Variants in MBOAT2 observed in about 807,000 individuals in gnomAD.
MBOAT2 encodes the protein membrane bound glycerophospholipid O-acyltransferase 2, also known as membrane-bound glycerophospholipid O-acyltransferase 2.
A neutral mutation model predicts 63.4 loss-of-function variants in MBOAT2; 28 were observed. The observed-to-expected ratio is 0.44, with a 90% CI of 0.33 to 0.61. The LOEUF is 0.61. MBOAT2 is among the 20% of genes least tolerant of loss of function. The pLI is 0.03. For missense variants in MBOAT2, 470 were observed against 605.8 expected (o/e 0.78, Z 2.35); for synonymous variants, 211 against 215.6 (o/e 0.98, Z 0.19).
chr2:8,974,660 A>T (rs536788645), intron 1 of MBOAT2, among the ~76,000 whole-genome samples: 18 of 152,254 alleles, frequency 1.2e-4, no homozygotes, highest in Admixed American at 2.6e-4. Context: ...TTATTTTTTC[A>T]TTATGTACCT....
chr2:8,922,263 C>T (rs1326936169), intron 3 of MBOAT2, among the ~76,000 whole-genome samples: 1 of 152,136 alleles, frequency 6.6e-6, no homozygotes, highest in Non-Finnish European at 1.5e-5. Context: ...TTTGTTAAAT[C>T]ATGATCCTCC....
At chr2:8,977,572 T>C (rs1670910511) in intron 1 of MBOAT2, among the ~76,000 whole-genome samples, 1 of 152,174 alleles carries the variant, frequency 6.6e-6, no homozygotes, top group Non-Finnish European at 1.5e-5. Context: ...GGAAGTAAAC[T>C]GCAGAGCCCA....
Position 8,864,326 on chromosome 2 carries a change from A to C in MBOAT2, c.988-92T>G, listed in dbSNP as rs537823641. The C allele has an allele frequency of 1.4e-4, 96 of 700,444 alleles. No homozygotes were observed. In the South Asian group the frequency reaches 1.5e-3, roughly 11 times the overall value. The allele number at this position is 700,444 out of a possible 1,614,324, so 43.4% of individuals were successfully genotyped here. On this transcript the variant is annotated intron_variant, in intron 9 of 12. Transcript: ENST00000305997. ...TATTATGCTAAAAAATAAAAACAAA[A>C]ATTACTTAACATCGATGGTAGTATA...
intron 5 of MBOAT2, among the ~76,000 whole-genome samples, chr2:8,882,974 C>A (rs1663252931): frequency 6.6e-6 from 1 of 152,166 alleles, no homozygotes; most frequent in African/African-American, 2.4e-5. Flanking sequence ...AATTTCCTTA[C>A]TCCTCCATGA....
rs1672844120 is a variant in MBOAT2 at position 9,003,299 on chromosome 2, C to A, written c.75+241G>T. 6.6e-6 allele frequency among the ~76,000 whole-genome samples: 1 copy of A among 152,144 alleles called. No homozygotes were observed. The highest frequency in any genetic ancestry group is 2.4e-5 in the African/African-American group (1 of 41,458). On this transcript the variant is annotated intron_variant, in intron 1 of 12. Coordinates refer to ENST00000305997, the MANE Select transcript of MBOAT2 (RefSeq NM_138799.4). This position sits in a 1 kb window ranked among gnomAD's most constrained non-coding sequence, Gnocchi z 5.4. ...CCTCCCCGGGGGCTGTCGCCGGCAA[C>A]AACGCCCGGCCCACCTCCCGCTCGG... is the stretch of plus-strand genomic sequence containing the variant.
At chr2:8,893,262 C>G (rs1210423468) in intron 4 of MBOAT2, among the ~76,000 whole-genome samples, 1 of 152,032 alleles carries the variant, frequency 6.6e-6, no homozygotes, top group African/African-American at 2.4e-5. Flanking sequence ...AGGTTTTTGA[C>G]CAGGGTAACT....
chr2:8,885,869 T>C (rs1457027579), intron 5 of MBOAT2, among the ~76,000 whole-genome samples: 3 of 152,244 alleles, frequency 2.0e-5, no homozygotes, highest in Non-Finnish European at 4.4e-5. Flanking sequence ...TGGTTTCATC[T>C]AGGGGTGGTC....
chr2:8,908,725 C>G lies in MBOAT2; in HGVS notation c.300-9G>C, dbSNP rs1187900214. ...CAAACACAAAGCAGTAACTGCAAAACAAAAATAAGCTACATTAATGAAAAT... is the reference window on the plus strand; with the variant it reads ...CAAACACAAAGCAGTAACTGCAAAAGAAAAATAAGCTACATTAATGAAAAT... On this transcript the variant is annotated splice_polypyrimidine_tract_variant and intron_variant, in intron 3 of 12. Coordinates refer to ENST00000305997, the MANE Select transcript of MBOAT2 (RefSeq NM_138799.4). The G allele has an allele frequency of 6.5e-7, 1 of 1,536,704 alleles. No individual in the cohort carries two copies. Among genetic ancestry groups the G allele is most frequent in the African/African-American group, 1.4e-5 (1 of 72,836 alleles).
rs1447488963 is a variant in MBOAT2, at chr2:8,885,413, T to C, written c.451+2605A>G. On this transcript the variant is annotated intron_variant, in intron 5 of 12. Coordinates refer to ENST00000305997, the MANE Select transcript of MBOAT2 (RefSeq NM_138799.4). ...GTGTTTAGACTTGGGTCCCAAGATA[T>C]CTCATTACATGTATGCAAATATTCC... Among the ~76,000 whole-genome samples the C allele has an allele frequency of 6.6e-5, 10 of 152,196 alleles. No homozygotes were observed. In the East Asian group the frequency reaches 1.9e-3, roughly 29 times the overall value.
intron 1 of MBOAT2, among the ~76,000 whole-genome samples, chr2:8,996,122 C>T (rs1056737549): frequency 1.3e-5 from 2 of 152,176 alleles, no homozygotes; most frequent in Admixed American, 6.5e-5. Context: ...TTTAAAAATG[C>T]ACCGCAATGG....
chr2:8,862,842 A>C lies in MBOAT2; in HGVS notation c.1053-120T>G. 1.6e-6 allele frequency: 2 copies of C among 1,232,220 alleles called. No homozygotes were observed. The highest frequency in any genetic ancestry group is 2.2e-6 in the Non-Finnish European group (2 of 909,392). 76.3% of individuals were successfully genotyped at this position (1,232,220 alleles called of 1,614,324 possible). Reference sequence around the variant, plus strand: ...TAGGGTAACTAGAAAAACAAATACAACTTATCTTAGGCAATCACTTCTCTA... The same window carrying C: ...TAGGGTAACTAGAAAAACAAATACACCTTATCTTAGGCAATCACTTCTCTA... On this transcript the variant is annotated intron_variant, in intron 10 of 12. Coordinates refer to ENST00000305997, the MANE Select transcript of MBOAT2 (RefSeq NM_138799.4). This position sits in a 1 kb window ranked among gnomAD's most constrained non-coding sequence, Gnocchi z 4.3.
rs1018386694 is a variant in MBOAT2, at chr2:8,862,127, G to A, written c.1185+463C>T. On this transcript the variant is annotated intron_variant, in intron 11 of 12. Coordinates refer to ENST00000305997, the MANE Select transcript of MBOAT2 (RefSeq NM_138799.4). The surrounding 1 kb of genome is among the most constrained non-coding windows in gnomAD (Gnocchi z 4.3). ...TTGTTTCCCCAAAATATTACTCTAT[G>A]TTCTGTCTAGGCAAATACTCTAAAG... The A allele has an allele frequency of 1.5e-5, 4 of 262,672 alleles. No individual in the cohort carries two copies. Among genetic ancestry groups the A allele is most frequent in the African/African-American group, 4.6e-5 (2 of 43,612 alleles). 16.3% of individuals were successfully genotyped at this position (262,672 alleles called of 1,614,324 possible).
intron 1 of MBOAT2, among the ~76,000 whole-genome samples, chr2:8,965,164 C>T (rs1251450315): frequency 6.6e-6 from 1 of 152,072 alleles, no homozygotes; most frequent in Non-Finnish European, 1.5e-5. Context: ...TTTTAAAAAA[C>T]AGAAAATAGT....
At chr2:8,984,052 C>T (rs1183628585) in intron 1 of MBOAT2, among the ~76,000 whole-genome samples, 1 of 152,046 alleles carries the variant, frequency 6.6e-6, no homozygotes, top group African/African-American at 2.4e-5. Context: ...TTAGCTTTTA[C>T]AAGGAAAGAA....
In MBOAT2 at chr2:8,888,053, T is replaced by C; in HGVS notation, c.416A>G (p.Gln139Arg). The change falls in exon 5 of 13, where the codon CAG becomes CGG. Residue 139 changes from glutamine to arginine, a missense_variant. Physicochemically the swap from Gln to Arg is conservative, Grantham distance 43. Around this residue, in one of 3 missense-constraint regions of MBOAT2, gnomAD observed 376 missense variants for 503.8 expected, o/e 0.75. Coordinates refer to ENST00000305997, the MANE Select transcript of MBOAT2 (RefSeq NM_138799.4). Reference protein sequence around the residue: ...DFSGPMMIITQKITSLACEIH... With the variant: ...DFSGPMMIITRKITSLACEIH... ...TTCGCAAGCCAAACTAGTGATCTTC[T>C]GAGTAATGATCATCATTGGGCTGTG... 1 of 1,613,546 alleles carries C rather than the reference T, an allele frequency of 6.2e-7. No individual in the cohort carries two copies. Among genetic ancestry groups the C allele is most frequent in the Non-Finnish European group, 8.5e-7 (1 of 1,179,744 alleles).
At chr2:8,964,439 A>C (rs1171720751) in intron 1 of MBOAT2, among the ~76,000 whole-genome samples, 1 of 149,398 alleles carries the variant, frequency 6.7e-6, no homozygotes, top group Non-Finnish European at 1.5e-5. Context: ...AGAACCTCCA[A>C]GTCAAGCAAC....
chr2:8,879,062 C>T (rs1462525205), intron 6 of MBOAT2, among the ~76,000 whole-genome samples: 2 of 132,056 alleles, frequency 1.5e-5, no homozygotes, highest in Admixed American at 1.7e-4. Flanking sequence ...GGCGACAGAG[C>T]GAGACTCCGT....
At position 8,856,981 on chromosome 2, in the gene MBOAT2, TC is replaced by T. The variant is rs2148499847; in HGVS notation, c.*1697del. ...ATAAATAAAAATAGATTAGGATATTTCTAAACTTCAAAAAAGACACATGCCC... is the reference window on the plus strand; with the variant it reads ...ATAAATAAAAATAGATTAGGATATTTTAAACTTCAAAAAAGACACATGCCC... On this transcript the variant is annotated 3_prime_UTR_variant, in exon 13 of 13. Transcript: ENST00000305997. This position sits in a 1 kb window ranked among gnomAD's most constrained non-coding sequence, Gnocchi z 4.2. 6.6e-6 allele frequency: 1 copy of T among 152,646 alleles called. No individual in the cohort carries two copies. The highest frequency in any genetic ancestry group is 1.9e-4 in the East Asian group (1 of 5,184). The allele number at this position is 152,646 out of a possible 1,614,324, so 9.5% of individuals were successfully genotyped here.
intron 7 of MBOAT2, among the ~76,000 whole-genome samples, chr2:8,873,721 T>C (rs879509971): frequency 1.3e-5 from 2 of 152,226 alleles, no homozygotes; most frequent in South Asian, 2.1e-4. Flanking sequence ...AGGCATCTCA[T>C]GGATGTTATT....
Sources: allele counts gnomAD v4.1 joint callset (sites outside exome capture counted in the v4.1 genomes callset), GRCh38; gene constraint gnomAD v4.1.1; regional missense constraint gnomAD v4.1.1; non-coding constraint Gnocchi (gnomAD v3.1); transcripts MANE v1.5; gene names NCBI Gene and HGNC (gene_info 2026-07-23, HGNC 2026-07-21).